CSMD3: variants seen among roughly 807,000 people sequenced by gnomAD.
CSMD3 encodes CUB and Sushi multiple domains 3.
In CSMD3, 177 loss-of-function variants were observed where a neutral mutation model predicts 435.2. That is an observed-to-expected ratio of 0.41 (90% confidence interval 0.36 to 0.46). CSMD3 has a LOEUF of 0.46. CSMD3 is among the 20% of genes least tolerant of loss of function. The pLI, the probability that CSMD3 is intolerant of heterozygous loss-of-function variation, is 0.34. For synonymous variants in CSMD3, 1,656 were observed against 1,520.5 expected (o/e 1.09, Z -2.07); for missense variants, 4,265 against 4,504.6 (o/e 0.95, Z 1.52).
chr8:113,245,031 G>A (rs189541890), intron 3 of CSMD3, among the ~76,000 whole-genome samples: 8 of 152,028 alleles, frequency 5.3e-5, no homozygotes, highest in African/African-American at 1.9e-4. Flanking sequence ...ATTAGAAAAT[G>A]TCCCTCTTTG....
In CSMD3 at chr8:112,392,631, A is replaced by G. The variant is rs1830517363; in HGVS notation, c.5810-1843T>C. Among the ~76,000 whole-genome samples, 4 of 151,152 alleles carry G rather than the reference A, an allele frequency of 2.6e-5. No homozygotes were observed. In the South Asian group the frequency reaches 8.3e-4, roughly 31 times the overall value. On this transcript the variant is annotated intron_variant, in intron 35 of 70. Transcript: ENST00000297405. ...TACTTTATAGATGCTCTTCCTCTCC[A>G]TCGCCACCGCCACAACTTTTCCTCA...
chr8:112,661,535 C>T (rs1470171059), intron 17 of CSMD3, among the ~76,000 whole-genome samples: 2 of 152,126 alleles, frequency 1.3e-5, no homozygotes, highest in African/African-American at 4.8e-5. Context: ...GTGAGCCACT[C>T]TTAGTAGCCT....
At chr8:112,528,302 A>G (rs1382609675) in intron 27 of CSMD3, among the ~76,000 whole-genome samples, 1 of 152,174 alleles carries the variant, frequency 6.6e-6, no homozygotes, top group African/African-American at 2.4e-5. Flanking sequence ...TATTCATTAA[A>G]AAAAACCAAG....
rs1056411389 is a variant in CSMD3, at chr8:112,874,931, T to C, written c.1634-15665A>G. Among the ~76,000 whole-genome samples, 29 of 152,218 alleles carry C rather than the reference T, an allele frequency of 1.9e-4. No individual in the cohort carries two copies. In the East Asian group the frequency reaches 5.4e-3, roughly 29 times the overall value. Reference sequence around the variant, plus strand: ...AGCCAGTTTACATTTAAGGTTAATATTGTTATGTGTTAATTTGAACCTGCC... The same window carrying C: ...AGCCAGTTTACATTTAAGGTTAATACTGTTATGTGTTAATTTGAACCTGCC... On this transcript the variant is annotated intron_variant, in intron 10 of 70. Transcript: ENST00000297405.
chr8:112,983,449 T>C (rs1381679621), intron 6 of CSMD3, among the ~76,000 whole-genome samples: 1 of 151,414 alleles, frequency 6.6e-6, no homozygotes, highest in Non-Finnish European at 1.5e-5. Context: ...CCCCCACATC[T>C]TTCTCTCTGT....
At chr8:112,979,234 T>C (rs1005215066) in intron 6 of CSMD3, among the ~76,000 whole-genome samples, 4 of 151,822 alleles carry the variant, frequency 2.6e-5, no homozygotes, top group Non-Finnish European at 5.9e-5. Context: ...GGGATATATG[T>C]CATGCTTACA....
Position 112,860,980 on chromosome 8 carries a change from A to G in CSMD3, c.1634-1714T>C, listed in dbSNP as rs2080811920. Among the ~76,000 whole-genome samples the G allele has an allele frequency of 2.0e-5, 3 of 151,914 alleles. No individual in the cohort carries two copies. The South Asian group carries it at 6.2e-4, about 31-fold the overall frequency. On this transcript the variant is annotated intron_variant, in intron 10 of 70. Coordinates refer to ENST00000297405, the MANE Select transcript of CSMD3 (RefSeq NM_198123.2). Reference sequence around the variant, plus strand: ...AGCTTTGGCATCTCTCCTGATTTCTAGACTAATTTTCTGTCCGCTGGACAT... The same window carrying G: ...AGCTTTGGCATCTCTCCTGATTTCTGGACTAATTTTCTGTCCGCTGGACAT...
chr8:112,272,051 T>G (rs2130485027), intron 59 of CSMD3, among the ~76,000 whole-genome samples: 1 of 152,276 alleles, frequency 6.6e-6, no homozygotes, highest in South Asian at 2.1e-4. Context: ...CATGCACCCC[T>G]TTTGTCATGT....
chr8:112,515,187 T>C (rs902742362), intron 28 of CSMD3, among the ~76,000 whole-genome samples: 2 of 152,098 alleles, frequency 1.3e-5, no homozygotes, highest in Non-Finnish European at 2.9e-5. Flanking sequence ...GTATAAGCCA[T>C]TTAATATTTT....
intron 32 of CSMD3, among the ~76,000 whole-genome samples, chr8:112,448,772 A>C (rs1398431100): frequency 2.6e-5 from 4 of 151,764 alleles, no homozygotes; most frequent in Admixed American, 6.6e-5. Context: ...AAAAAAAAAA[A>C]AAAAAACCAA....
intron 2 of CSMD3, among the ~76,000 whole-genome samples, chr8:113,305,791 T>C (rs1160454590): frequency 1.3e-5 from 2 of 152,238 alleles, no homozygotes; most frequent in Non-Finnish European, 2.9e-5. Flanking sequence ...TAATGATAAC[T>C]AAAGAGAATA....
chr8:113,214,582 C>T lies in CSMD3; in HGVS notation c.515-40666G>A, dbSNP rs1020169585. On this transcript the variant is annotated intron_variant, in intron 3 of 70. Transcript: ENST00000297405. ...TTCTAGGAAGATTCATTGTTTCTTTCCTTCACTATCTTCAAACTTTTACAT... is the reference window on the plus strand; with the variant it reads ...TTCTAGGAAGATTCATTGTTTCTTTTCTTCACTATCTTCAAACTTTTACAT... Among the ~76,000 whole-genome samples the T allele has an allele frequency of 3.3e-5, 5 of 151,896 alleles. No homozygotes were observed. The Admixed American group carries it at 3.3e-4, about 10-fold the overall frequency.
chr8:113,422,068 C>T (rs1031075436), intron 1 of CSMD3, among the ~76,000 whole-genome samples: 9 of 152,246 alleles, frequency 5.9e-5, no homozygotes, highest in African/African-American at 1.7e-4. Context: ...CCCTGTAAAT[C>T]GTTTACTAAT....
At chr8:113,165,857 C>T (rs1324140542) in intron 4 of CSMD3, among the ~76,000 whole-genome samples, 1 of 151,870 alleles carries the variant, frequency 6.6e-6, no homozygotes, top group East Asian at 1.9e-4. Context: ...GAAAACACAA[C>T]TCACAAATGC....
At chr8:112,834,246 TTAA>T (rs1222725100) in intron 11 of CSMD3, among the ~76,000 whole-genome samples, 8 of 151,914 alleles carry the variant, frequency 5.3e-5, no homozygotes, top group Non-Finnish European at 1.0e-4. Flanking sequence ...TTTTAGACAC[TTAA>T]TAATTCTTGA....
At chr8:113,053,979 A>G (rs1048021453) in intron 5 of CSMD3, among the ~76,000 whole-genome samples, 1 of 152,144 alleles carries the variant, frequency 6.6e-6, no homozygotes, top group Non-Finnish European at 1.5e-5. Context: ...TCAGTTCAAC[A>G]TCTTAATGGT....
intron 32 of CSMD3, among the ~76,000 whole-genome samples, chr8:112,424,398 G>A (rs1159332570): frequency 1.3e-5 from 2 of 152,138 alleles, no homozygotes; most frequent in African/African-American, 4.8e-5. Context: ...AAACTATAAA[G>A]AACATAAATT....
At chr8:112,910,604 T>G (rs969650362) in intron 10 of CSMD3, among the ~76,000 whole-genome samples, 1 of 151,850 alleles carries the variant, frequency 6.6e-6, no homozygotes, top group Non-Finnish European at 1.5e-5. Context: ...AATGTTACAA[T>G]TGGCTCAGAT....
intron 3 of CSMD3, among the ~76,000 whole-genome samples, chr8:113,218,236 T>A (rs938393594): frequency 6.6e-6 from 1 of 150,704 alleles, no homozygotes; most frequent in Non-Finnish European, 1.5e-5. Flanking sequence ...CCCTCAGGCC[T>A]AAGAAAAGTA....
Sources: gnomAD v4.1 joint callset for allele counts (sites outside exome capture counted in the v4.1 genomes callset) on GRCh38, gnomAD v4.1.1 for gene constraint, MANE v1.5 for transcripts, NCBI Gene and HGNC (gene_info 2026-07-23, HGNC 2026-07-21) for gene names.